SSC5D: variants seen among roughly 807,000 people sequenced by gnomAD.
The protein encoded by SSC5D is scavenger receptor cysteine rich family member with 5 domains, also known as soluble scavenger receptor cysteine-rich domain-containing protein SSC5D.
SSC5D carries 106 observed loss-of-function variants against 104.6 expected under a neutral mutation model. The ratio of observed to expected loss-of-function variants is 1.01; its 90% confidence interval spans 0.87 to 1.19. The LOEUF is 1.19. SSC5D is among the 50% of genes most tolerant of loss of function. The probability of loss-of-function intolerance (pLI) is 0.00; values close to 1 mark genes in which losing one functional copy is unlikely to be tolerated. For synonymous variants in SSC5D, 860 were observed against 883.5 expected, an observed-to-expected ratio of 0.97 and a Z score of 0.47; for missense variants, 1,993 against 2,153.8, an observed-to-expected ratio of 0.93 and a Z score of 1.48.
chr19:55,489,722 C>A, intron 3 of SSC5D, 60 bp downstream of exon 3: 1 of 1,512,702 alleles, frequency 6.6e-7, no homozygotes, highest in Non-Finnish European at 8.9e-7. Context: ...CCAGGAACCC[C>A]AAGTCCTTAG....
chr19:55,505,869 T>A (rs1203724411), intron 12 of SSC5D, among the ~76,000 whole-genome samples: 1 of 151,778 alleles, frequency 6.6e-6, no homozygotes, highest in Non-Finnish European at 1.5e-5. Flanking sequence ...CCTGAGTAGC[T>A]GGGATTACAG....
Position 55,517,306 on chromosome 19 carries a change from TCCCTCCGCCTCTCCGGGACC to T in SSC5D, c.3034_3053del (p.Ser1012ArgfsTer7). On this transcript the variant is annotated frameshift_variant, in exon 14 of 14. Coordinates refer to ENST00000389623, the MANE Select transcript of SSC5D (RefSeq NM_001144950.2). LOFTEE classifies it low-confidence loss of function (END_TRUNC). Reference sequence around the variant, plus strand: ...CAGCGCCCCCAACCCCGTCCCCAGGTCCCTCCGCCTCTCCGGGACCCCCAGGCCCAGCGCTGACCTCTGAC... The same window carrying T: ...CAGCGCCCCCAACCCCGTCCCCAGGTCCCAGGCCCAGCGCTGACCTCTGAC... The T allele has an allele frequency of 6.5e-7, 1 of 1,548,806 alleles. No individual in the cohort carries two copies. The highest frequency in any genetic ancestry group is 8.7e-7 in the Non-Finnish European group (1 of 1,146,722).
Position 55,490,653 on chromosome 19 carries a change from C to T in SSC5D, c.587-119C>T, listed in dbSNP as rs1373214300. 1.6e-5 allele frequency: 20 copies of T among 1,219,110 alleles called. No individual in the cohort carries two copies. The Middle Eastern group carries it at 8.7e-4, about 53-fold the overall frequency. The allele number at this position is 1,219,110 out of a possible 1,614,324, so 75.5% of individuals were successfully genotyped here. ...GTGGACTCACCTCTTCACGGGCTGC[C>T]GGCGGACAGATCTCAGGCCACCGCT... On this transcript the variant is annotated intron_variant, in intron 5 of 13. Coordinates refer to ENST00000389623, the MANE Select transcript of SSC5D (RefSeq NM_001144950.2).
chr19:55,489,490 C>G lies in SSC5D; in HGVS notation c.189C>G (p.Cys63Trp), dbSNP rs928740512. 1 of 1,471,766 alleles carries G rather than the reference C, an allele frequency of 6.8e-7. No homozygotes were observed. The highest frequency in any genetic ancestry group is 2.5e-5 in the Admixed American group (1 of 39,716). The allele number at this position is 1,471,766 out of a possible 1,614,324, so 91.2% of individuals were successfully genotyped here. ...CCGTGGCCTGCCGGCAGCTGGGCTG[C>G]GGAGGGGCACTGGCCGCCCCGGGAG... ...DAAVACRQLGCGGALAAPGGA... is the reference protein window; with the variant it reads ...DAAVACRQLGWGGALAAPGGA... The change falls in exon 3 of 14, where the codon TGC (cysteine) becomes TGG (tryptophan). Residue 63 changes from cysteine to tryptophan, a missense_variant. This residue lies in a region of SSC5D where 1,101 missense variants were observed against 1,085.0 expected (regional missense o/e 1.01). Transcript: ENST00000389623.
rs559521399 is a variant in SSC5D at position 55,498,313 on chromosome 19, G to T, written c.1705+116G>T. 7.3e-5 allele frequency: 79 copies of T among 1,086,230 alleles called. 1 individual carries two copies. In the Admixed American group the frequency reaches 1.3e-3, roughly 18 times the overall value. 67.3% of individuals were successfully genotyped at this position (1,086,230 alleles called of 1,614,324 possible). The stretch of plus-strand genomic sequence containing the variant: ...CCTAAGCCCCAGCCCTGTGCTGGGT[G>T]TTTTTGCACATATAACCACATTGAA... On this transcript the variant is annotated intron_variant, in intron 9 of 13. Coordinates refer to ENST00000389623, the MANE Select transcript of SSC5D (RefSeq NM_001144950.2).
Position 55,500,847 on chromosome 19 carries a change from C to T in SSC5D, c.2617+43C>T. On this transcript the variant is annotated intron_variant, in intron 11 of 13. Transcript: ENST00000389623. This position sits in a 1 kb window ranked among gnomAD's most constrained non-coding sequence, Gnocchi z 4.6. Reference sequence around the variant, plus strand: ...CGGTGGTGGGGTTGTCGGGGGTGGCCAGGAGAATGGAGTCAGGGTGGGGCC... The same window carrying T: ...CGGTGGTGGGGTTGTCGGGGGTGGCTAGGAGAATGGAGTCAGGGTGGGGCC... 6.6e-7 allele frequency: 1 copy of T among 1,521,026 alleles called. No homozygotes were observed. The allele number at this position is 1,521,026 out of a possible 1,614,324, so 94.2% of individuals were successfully genotyped here.
rs1426581070 is a variant in SSC5D at position 55,501,185 on chromosome 19, G to A, written c.2769G>A (p.Arg923=). The A allele has an allele frequency of 1.1e-5, 17 of 1,534,638 alleles. 1 individual carries two copies. In the South Asian group the frequency reaches 1.3e-4, roughly 12 times the overall value. Residue 923 remains arginine (R), a synonymous_variant, in exon 12 of 14, where the codon AGG becomes AGA. Coordinates refer to ENST00000389623, the MANE Select transcript of SSC5D (RefSeq NM_001144950.2). ...RRPGSSSPAI[R]RLPDTGSKDG... ...CGGGTAGCTCCTCCCCAGCAATAAGGCGCCTGCCGGACACAGGTGAGAGGC... is the reference window on the plus strand; with the variant it reads ...CGGGTAGCTCCTCCCCAGCAATAAGACGCCTGCCGGACACAGGTGAGAGGC...
chr19:55,509,360 C>T (rs113772657), intron 12 of SSC5D, among the ~76,000 whole-genome samples: 16 of 152,192 alleles, frequency 1.1e-4, no homozygotes, highest in East Asian at 3.9e-4. Context: ...AATTCCACAA[C>T]GAGGCGTCGA....
chr19:55,493,648 CT>C lies in SSC5D; in HGVS notation c.950del (p.Leu317ArgfsTer119), dbSNP rs1219289409. 3 of 1,501,958 alleles carry C rather than the reference CT, an allele frequency of 2.0e-6. No individual in the cohort carries two copies. The highest frequency in any genetic ancestry group is 2.6e-6 in the Non-Finnish European group (3 of 1,133,534). 93.0% of individuals were successfully genotyped at this position (1,501,958 alleles called of 1,614,324 possible). A position where few individuals can be genotyped will look rare whatever the true frequency, so the allele number is the denominator to read the frequency against. On this transcript the variant is annotated frameshift_variant, in exon 7 of 14. Transcript: ENST00000389623. LOFTEE classifies it high-confidence loss of function. Reference sequence around the variant, plus strand: ...TGGCCCCCACGGGTGCGCCGGCCGCCTGGAGGTCTGGCACGGGGGTCGCTGG... The same window carrying C: ...TGGCCCCCACGGGTGCGCCGGCCGCCGGAGGTCTGGCACGGGGGTCGCTGG... ...ADGPHGCAGRLEVWHGGRWGS... is the reference protein window; with the variant it reads ...ADGPHGCAGRXEVWHGGRWGS...
chr19:55,506,479 C>T (rs1321373174), intron 12 of SSC5D, among the ~76,000 whole-genome samples: 1 of 147,202 alleles, frequency 6.8e-6, no homozygotes, highest in East Asian at 2.0e-4. Flanking sequence ...ACTGCCAGCT[C>T]TGCCTCCCGG....
chr19:55,488,931 G>C, intron 1 of SSC5D, 75 bp from the exon 2 acceptor site: 1 of 277,784 alleles, frequency 3.6e-6, no homozygotes, highest in South Asian at 3.6e-5. Context: ...TATTCAAGAT[G>C]AGGGGCCTGC....
In SSC5D at chr19:55,501,096, G is replaced by T; in HGVS notation, c.2680G>T (p.Ala894Ser). 1 of 1,551,766 alleles carries T rather than the reference G, an allele frequency of 6.4e-7. No homozygotes were observed. The highest frequency in any genetic ancestry group is 1.2e-5 in the South Asian group (1 of 84,064). Reference sequence around the variant, plus strand: ...GGACCCCACCTCAAGAGAGGACCTGGCCAAGGGGACTACCACAGCGGGGGT... The same window carrying T: ...GGACCCCACCTCAAGAGAGGACCTGTCCAAGGGGACTACCACAGCGGGGGT... ...TWDPTSREDLAKGTTTAGVPG... is the reference protein window; with the variant it reads ...TWDPTSREDLSKGTTTAGVPG... The change falls in exon 12 of 14, where the codon GCC becomes TCC. Residue 894 changes from alanine (A) to serine (S), a missense_variant. Around this residue, in one of 6 missense-constraint regions of SSC5D, gnomAD observed 423 missense variants for 409.2 expected, o/e 1.03. Coordinates refer to ENST00000389623, the MANE Select transcript of SSC5D (RefSeq NM_001144950.2).
At chr19:55,501,288 A>G (rs1987497449) in intron 12 of SSC5D, 87 bp downstream of exon 12, 30 of 1,427,658 alleles carry the variant, frequency 2.1e-5, no homozygotes, top group Non-Finnish European at 2.7e-5. Context: ...ACCCTTCTCA[A>G]TGAGCTGGCT....
intron 8 of SSC5D, among the ~76,000 whole-genome samples, chr19:55,496,378 G>A (rs772008819): frequency 3.3e-5 from 5 of 152,204 alleles, no homozygotes; most frequent in Admixed American, 2.0e-4. Flanking sequence ...ATAAAAAGGC[G>A]TGGTTAACAC....
Position 55,488,504 on chromosome 19 carries a change from T to TTGGGG in SSC5D, c.-86_-85insTGGGG. ...TGGGCGCCTCCAGCAGGCACTTCCCTCCCTCCCTCTCTCCCCAGCTGCCTC... is the reference window on the plus strand; with the variant it reads ...TGGGCGCCTCCAGCAGGCACTTCCCTTGGGGCCCTCCCTCTCTCCCCAGCTGCCTC... On this transcript the variant is annotated 5_prime_UTR_variant, in exon 1 of 14. Coordinates refer to ENST00000389623, the MANE Select transcript of SSC5D (RefSeq NM_001144950.2). 1 of 1,199,328 alleles carries TTGGGG rather than the reference T, an allele frequency of 8.3e-7. No homozygotes were observed. The highest frequency in any genetic ancestry group is 1.2e-6 in the Non-Finnish European group (1 of 837,476). 74.3% of individuals were successfully genotyped at this position (1,199,328 alleles called of 1,614,324 possible). A position where few individuals can be genotyped will look rare whatever the true frequency, so the allele number is the denominator to read the frequency against.
chr19:55,489,058 GCC>G, intron 2 of SSC5D, 26 bp downstream of exon 2: 1 of 1,203,770 alleles, frequency 8.3e-7, no homozygotes, highest in East Asian at 3.5e-5. Context: ...CCTCCCATCT[GCC>G]CGCCCCCCCC....
Position 55,501,055 on chromosome 19 carries a change from A to AT in SSC5D, c.2640dup (p.Pro881SerfsTer37). 1 of 1,551,916 alleles carries AT rather than the reference A, an allele frequency of 6.4e-7. No individual in the cohort carries two copies. The highest frequency in any genetic ancestry group is 2.4e-5 in the East Asian group (1 of 40,912). ...AAAGGCTACACAGACTATGACGATT[A>AT]TCCCCCCTGGACCTGGGACCCCACC... On this transcript the variant is annotated frameshift_variant, in exon 12 of 14. Coordinates refer to ENST00000389623, the MANE Select transcript of SSC5D (RefSeq NM_001144950.2). LOFTEE classifies it high-confidence loss of function.
intron 9 of SSC5D, 131 bp from the exon 10 acceptor site, chr19:55,499,685 T>G: frequency 1.3e-6 from 1 of 790,950 alleles, no homozygotes; most frequent in East Asian, 2.7e-5. Context: ...AATAAATATT[T>G]GTGACAATAA....
At chr19:55,513,324 C>T (rs1987799757) in intron 13 of SSC5D, among the ~76,000 whole-genome samples, 152 bp downstream of exon 13, 1 of 152,208 alleles carries the variant, frequency 6.6e-6, no homozygotes, top group African/African-American at 2.4e-5. Flanking sequence ...CATGGTGGCT[C>T]ATGCCTGTAA....
Sources: gnomAD v4.1 joint callset for allele counts (sites outside exome capture counted in the v4.1 genomes callset) on GRCh38, gnomAD v4.1.1 for gene constraint, gnomAD v4.1.1 regional missense constraint, Gnocchi (gnomAD v3.1) non-coding constraint, MANE v1.5 for transcripts, NCBI Gene and HGNC (gene_info 2026-07-23, HGNC 2026-07-21) for gene names.